Variants in RNF144A observed in about 807,000 individuals in gnomAD.
RNF144A encodes the protein E3 ubiquitin-protein ligase RNF144A.
RNF144A carries 11 observed loss-of-function variants against 38.7 expected under a neutral mutation model. The ratio of observed to expected loss-of-function variants is 0.28; its 90% CI spans 0.18 to 0.47. The LOEUF (loss-of-function observed/expected upper bound fraction) is 0.47. RNF144A is among the 20% of genes least tolerant of loss of function. RNF144A has a pLI of 0.99. For missense variants in RNF144A, 316 were observed against 377.2 expected (o/e 0.84, Z 1.34); for synonymous variants, 149 against 143.9 (o/e 1.04, Z -0.25).
chr2:7,068,142 G>A, intron 6 of RNF144A: 1 of 774,188 alleles, frequency 1.3e-6, no homozygotes, highest in Non-Finnish European at 2.0e-6. Context: ...ATTGTGATGT[G>A]ATTTACACAA....
In RNF144A at chr2:6,958,194, A is replaced by G. The variant is rs771316; in HGVS notation, c.-12+17047A>G. ...TCCTGGAAGGTGGAACTTGATCACC[A>G]CTCTGCCTGGCCTCAGCAGTCCCTT... On this transcript the variant is annotated intron_variant, in intron 2 of 8. Transcript: ENST00000320892. The surrounding 1 kb of genome is among the most constrained non-coding windows in gnomAD (Gnocchi z 4.5). Among the ~76,000 whole-genome samples the G allele has an allele frequency of 0.83, 125,821 of 152,222 alleles. 52,287 individuals carry two copies. The highest frequency in any genetic ancestry group is 0.87 in the Non-Finnish European group (59,075 of 68,014).
At chr2:6,978,415 G>C (rs1341807828) in intron 2 of RNF144A, among the ~76,000 whole-genome samples, 3 of 152,148 alleles carry the variant, frequency 2.0e-5, no homozygotes, top group Non-Finnish European at 4.4e-5. Flanking sequence ...TCTTTTCTTT[G>C]TGACTGGTGC....
At chr2:6,931,960 T>A (rs1234892706) in intron 1 of RNF144A, among the ~76,000 whole-genome samples, 1 of 152,234 alleles carries the variant, frequency 6.6e-6, no homozygotes, top group African/African-American at 2.4e-5. Flanking sequence ...AGTTCAACTA[T>A]GTTCTTATTG....
chr2:6,926,620 C>G (rs1005270713), intron 1 of RNF144A, among the ~76,000 whole-genome samples: 15 of 152,114 alleles, frequency 9.9e-5, no homozygotes, highest in Non-Finnish European at 1.5e-4. Context: ...GCTGGGAATC[C>G]CAGTCCTGTC....
chr2:6,960,717 A>G (rs1363064314), intron 2 of RNF144A, among the ~76,000 whole-genome samples: 1 of 152,158 alleles, frequency 6.6e-6, no homozygotes, highest in African/African-American at 2.4e-5. Flanking sequence ...CACACCTGAA[A>G]TGTTCCTGGC....
At chr2:6,961,388 G>T (rs1005859857) in intron 2 of RNF144A, among the ~76,000 whole-genome samples, 8 of 143,690 alleles carry the variant, frequency 5.6e-5, no homozygotes, top group Admixed American at 5.4e-4. Flanking sequence ...TCCTATAAAG[G>T]TACATTTTTT....
intron 4 of RNF144A, 21 bp downstream of exon 4, chr2:7,014,579 T>C (rs546078809): frequency 1.3e-6 from 2 of 1,569,062 alleles, no homozygotes; most frequent in East Asian, 2.2e-5. Context: ...TTGAACAGAC[T>C]GGGCTGTTTG....
At chr2:7,033,786 G>A (rs1318765553) in intron 8 of RNF144A, among the ~76,000 whole-genome samples, 1 of 152,204 alleles carries the variant, frequency 6.6e-6, no homozygotes, top group Non-Finnish European at 1.5e-5. Context: ...TTGGGAGCAG[G>A]GACCTGTTTT....
chr2:7,038,884 G>A (rs980604780), intron 8 of RNF144A, among the ~76,000 whole-genome samples: 1 of 151,734 alleles, frequency 6.6e-6, no homozygotes, highest in African/African-American at 2.4e-5. Context: ...ATGCATGGAT[G>A]ATGGATGGAT....
intron 3 of RNF144A, among the ~76,000 whole-genome samples, chr2:7,003,714 G>A (rs1310330351): frequency 6.6e-6 from 1 of 152,262 alleles, no homozygotes; most frequent in East Asian, 1.9e-4. Context: ...TAACTGGCAA[G>A]GACTAGAGGG....
intron 2 of RNF144A, among the ~76,000 whole-genome samples, chr2:6,964,919 GTAAC>G (rs1404565353): frequency 1.3e-5 from 2 of 152,032 alleles, no homozygotes; most frequent in African/African-American, 2.4e-5. Flanking sequence ...GTATACATAT[GTAAC>G]TAACCTGCGC....
intron 3 of RNF144A, among the ~76,000 whole-genome samples, chr2:7,000,826 A>T (rs532263674): frequency 6.6e-6 from 1 of 151,192 alleles, no homozygotes; most frequent in Middle Eastern, 3.5e-3. Context: ...AATAAAACAT[A>T]CATATACACA....
chr2:6,998,622 G>A (rs1669909811), intron 3 of RNF144A, among the ~76,000 whole-genome samples: 1 of 152,178 alleles, frequency 6.6e-6, no homozygotes, highest in Non-Finnish European at 1.5e-5. Context: ...CAAGAAATGT[G>A]CCTCATTAAA....
chr2:6,968,106 C>T (rs889376948), intron 2 of RNF144A, among the ~76,000 whole-genome samples: 1 of 152,198 alleles, frequency 6.6e-6, no homozygotes, highest in Non-Finnish European at 1.5e-5. Flanking sequence ...TATGTCTCTT[C>T]TGCTCATTAG....
intron 2 of RNF144A, among the ~76,000 whole-genome samples, chr2:6,986,821 T>C (rs1410690908): frequency 6.6e-6 from 1 of 152,150 alleles, no homozygotes; most frequent in African/African-American, 2.4e-5. Context: ...TTGCTGTGAC[T>C]TCTTAGCAAA....
chr2:6,921,026 TAAATATTACAGGACGACTCACC>T, intron 1 of RNF144A, among the ~76,000 whole-genome samples: 1 of 152,318 alleles, frequency 6.6e-6, no homozygotes, highest in Non-Finnish European at 1.5e-5. Context: ...TCCAGGAGAA[TAAATATTACAGGACGACTCACC>T]AAGTACAACC....
At chr2:6,922,455 T>C (rs1339773585) in intron 1 of RNF144A, among the ~76,000 whole-genome samples, 1 of 152,098 alleles carries the variant, frequency 6.6e-6, no homozygotes, top group Non-Finnish European at 1.5e-5. Context: ...TGGGAATACT[T>C]TTTAGGTTTC....
At chr2:6,925,383 G>GA (rs1374228379) in intron 1 of RNF144A, among the ~76,000 whole-genome samples, 1 of 152,084 alleles carries the variant, frequency 6.6e-6, no homozygotes, top group Non-Finnish European at 1.5e-5. Flanking sequence ...TTAGGAAAAA[G>GA]AAAAAGAAAT....
At chr2:6,935,580 G>A (rs1211458663) in intron 1 of RNF144A, among the ~76,000 whole-genome samples, 5 of 152,046 alleles carry the variant, frequency 3.3e-5, no homozygotes, top group African/African-American at 4.8e-5. Context: ...AGATGGGATG[G>A]CCTCTCACCT....
Sources: allele counts gnomAD v4.1 joint callset (sites outside exome capture counted in the v4.1 genomes callset), GRCh38; gene constraint gnomAD v4.1.1; non-coding constraint Gnocchi (gnomAD v3.1); transcripts MANE v1.5; gene names NCBI Gene and HGNC (gene_info 2026-07-23, HGNC 2026-07-21).